Variants in KLRG1 observed in about 807,000 individuals in gnomAD.
KLRG1 encodes the protein killer cell lectin like receptor G1.
Under a neutral mutation model 21.8 loss-of-function variants are expected in KLRG1, and 16 were observed. The ratio of observed to expected loss-of-function variants is 0.73; its 90% confidence interval spans 0.50 to 1.11. The LOEUF is 1.11. KLRG1 is among the 50% of genes most tolerant of loss of function. The probability of loss-of-function intolerance (pLI) is 0.00; values close to 1 mark genes in which losing one functional copy is unlikely to be tolerated. For synonymous variants in KLRG1, 69 were observed against 75.9 expected (o/e 0.91, Z 0.47); for missense variants, 173 against 218.3 (o/e 0.79, Z 1.31).
the KLRG1 span, among the ~76,000 whole-genome samples, chr12:9,053,814 C>T: frequency 3.3e-5 from 5 of 152,158 alleles, no homozygotes; most frequent in Non-Finnish European, 7.3e-5. Context: ...TTTGAGATAT[C>T]CTTTCAGGTG....
At chr12:9,211,539 C>T in the KLRG1 span, among the ~76,000 whole-genome samples, 13 of 152,190 alleles carry the variant, frequency 8.5e-5, no homozygotes, top group Non-Finnish European at 1.5e-5. Flanking sequence ...TTGCATCTTA[C>T]TGAGCATCTT....
chr12:9,103,783 T>C, the KLRG1 span, among the ~76,000 whole-genome samples: 2 of 152,210 alleles, frequency 1.3e-5, no homozygotes, highest in African/African-American at 2.4e-5. Flanking sequence ...GTTGTATTTA[T>C]ATACCACATT....
the KLRG1 span, among the ~76,000 whole-genome samples, chr12:9,060,592 T>C: frequency 3.3e-5 from 5 of 151,922 alleles, no homozygotes; most frequent in African/African-American, 9.7e-5. Flanking sequence ...GATTGCGCCA[T>C]TGCACTCCAG....
chr12:9,194,505 C>T, the KLRG1 span, among the ~76,000 whole-genome samples: 1 of 149,694 alleles, frequency 6.7e-6, no homozygotes, highest in Non-Finnish European at 1.5e-5. Context: ...CGCTCTGTCG[C>T]CCAGGCTGGA....
chr12:8,978,688 CTT>C (rs1348616565), intron 1 of KLRG1, among the ~76,000 whole-genome samples: 5 of 89,594 alleles, frequency 5.6e-5, no homozygotes, highest in African/African-American at 1.6e-4. Flanking sequence ...TTCTTTCTTT[CTT>C]TTTCTTTCTT....
the KLRG1 span, among the ~76,000 whole-genome samples, chr12:9,092,916 T>C: frequency 1.3e-5 from 2 of 152,350 alleles, no homozygotes; most frequent in Non-Finnish European, 2.9e-5. Context: ...TGGAATATTA[T>C]TCAGCCTTAA....
the KLRG1 span, chr12:9,196,453 A>G: frequency 6.3e-7 from 1 of 1,594,320 alleles, no homozygotes; most frequent in South Asian, 1.1e-5. Flanking sequence ...AAAAATATAA[A>G]GAGTCAGTAC....
the KLRG1 span, among the ~76,000 whole-genome samples, chr12:9,211,106 A>G: frequency 6.6e-6 from 1 of 152,182 alleles, no homozygotes; most frequent in East Asian, 1.9e-4. Flanking sequence ...TTCTACCAGT[A>G]GTGCATGAGG....
the KLRG1 span, chr12:9,160,098 C>T: frequency 4.3e-5 from 60 of 1,384,816 alleles, no homozygotes; most frequent in Admixed American, 1.8e-4. Flanking sequence ...TAGGCTCATG[C>T]ATCCAGGCGC....
the KLRG1 span, chr12:9,095,049 A>G: frequency 6.3e-7 from 1 of 1,595,650 alleles, no homozygotes; most frequent in East Asian, 2.3e-5. Context: ...TGGGTTTACG[A>G]ATCTTTGAGT....
the KLRG1 span, among the ~76,000 whole-genome samples, chr12:9,047,314 G>A: frequency 6.6e-6 from 1 of 152,158 alleles, no homozygotes; most frequent in African/African-American, 2.4e-5. Flanking sequence ...CTCTTATAAG[G>A]TATGTGCACC....
At chr12:9,187,831 G>A in the KLRG1 span, among the ~76,000 whole-genome samples, 8 of 152,152 alleles carry the variant, frequency 5.3e-5, no homozygotes, top group African/African-American at 1.7e-4. Context: ...CTTGCTCTTC[G>A]GAACCTGAAA....
chr12:8,996,545 A>G (rs1947136808), intron 3 of KLRG1: 1 of 152,174 alleles, frequency 6.6e-6, no homozygotes. Flanking sequence ...GAGAACATAT[A>G]GTTCCTAAAT....
chr12:9,088,688 T>C, the KLRG1 span, among the ~76,000 whole-genome samples: 43 of 152,300 alleles, frequency 2.8e-4, no homozygotes, highest in East Asian at 7.1e-3. Context: ...GTTTCTTCAG[T>C]TCCTTCTCAA....
chr12:9,061,130 A>G, the KLRG1 span, among the ~76,000 whole-genome samples: 1 of 151,760 alleles, frequency 6.6e-6, no homozygotes, highest in Non-Finnish European at 1.5e-5. Flanking sequence ...TTATTTTTTT[A>G]TGAGATAGGA....
the KLRG1 span, chr12:9,101,225 A>G: frequency 1.3e-6 from 2 of 1,552,720 alleles, no homozygotes; most frequent in South Asian, 1.2e-5. Flanking sequence ...AAAGGAAATA[A>G]AAAGAAATTA....
downstream of KLRG1, among the ~76,000 whole-genome samples, chr12:9,011,664 A>C (rs1947633979): frequency 6.6e-6 from 1 of 152,250 alleles, no homozygotes; most frequent in Non-Finnish European, 1.5e-5. Flanking sequence ...ACCAAAAATC[A>C]GATGAGCAGT....
At chr12:9,189,072 C>T in the KLRG1 span, among the ~76,000 whole-genome samples, 1 of 152,028 alleles carries the variant, frequency 6.6e-6, no homozygotes, top group Non-Finnish European at 1.5e-5. Flanking sequence ...GTCATATTGC[C>T]CAAAGCAATT....
At chr12:8,966,657 A>G (rs942407372) in intron 1 of KLRG1, among the ~76,000 whole-genome samples, 23 of 151,686 alleles carry the variant, frequency 1.5e-4, no homozygotes, top group Admixed American at 5.3e-4. Context: ...ACCAGTTAGA[A>G]TGGCAATCAT....
Sources: allele counts gnomAD v4.1 joint callset (sites outside exome capture counted in the v4.1 genomes callset), GRCh38; gene constraint gnomAD v4.1.1; transcripts MANE v1.5; gene names NCBI Gene and HGNC (gene_info 2026-07-23, HGNC 2026-07-21).